PDE8A: variants seen among roughly 807,000 people sequenced by gnomAD.
PDE8A encodes the protein high affinity cAMP-specific and IBMX-insensitive 3',5'-cyclic phosphodiesterase 8A.
PDE8A carries 59 observed loss-of-function variants against 105.0 expected under a neutral mutation model. The ratio of observed to expected loss-of-function variants is 0.56; its 90% confidence interval spans 0.46 to 0.70. The LOEUF is 0.70. Ranked by LOEUF, PDE8A falls within the 30% of genes least tolerant of loss-of-function variation. The pLI, the probability that PDE8A is intolerant of heterozygous loss-of-function variation, is 0.00. For synonymous variants in PDE8A, 355 were observed against 371.9 expected (o/e 0.95, Z 0.52); for missense variants, 1,014 against 1,045.9 (o/e 0.97, Z 0.42).
intron 15 of PDE8A, 112 bp downstream of exon 15, chr15:85,115,599 G>C (rs938230996): frequency 9.9e-6 from 6 of 603,342 alleles, no homozygotes; most frequent in African/African-American, 9.7e-5. Flanking sequence ...ATGTCATAAA[G>C]CCTCAGAAAC....
rs961781012 is a variant in PDE8A at position 85,053,694 on chromosome 15, T to G, written c.187-10676T>G. On this transcript the variant is annotated intron_variant, in intron 1 of 21. Transcript: ENST00000394553. ...TATCCTGAGACTTTGCTGAAGTTGC[T>G]TATCAGCTTAAGGAGATTTTGGGCT... 3.2e-4 allele frequency among the ~76,000 whole-genome samples: 49 copies of G among 152,266 alleles called. 1 individual carries two copies. Among genetic ancestry groups the G allele is most frequent in the Admixed American group, 3.1e-3 (48 of 15,288 alleles).
chr15:85,040,370 TAAAAAAA>T (rs35955528), intron 1 of PDE8A, among the ~76,000 whole-genome samples: 1 of 103,724 alleles, frequency 9.6e-6, no homozygotes, highest in African/African-American at 3.5e-5. Flanking sequence ...ACCTCTTCTC[TAAAAAAA>T]AAAAAAAAAA....
chr15:84,987,785 G>C (rs191133019), intron 1 of PDE8A, among the ~76,000 whole-genome samples: 193 of 152,110 alleles, frequency 1.3e-3, no homozygotes, highest in African/African-American at 4.4e-3. Flanking sequence ...CCTTGGATTG[G>C]TTCTTAAATA....
chr15:84,990,677 G>A (rs1162331513), intron 1 of PDE8A, among the ~76,000 whole-genome samples: 2 of 152,176 alleles, frequency 1.3e-5, no homozygotes, highest in African/African-American at 4.8e-5. Flanking sequence ...TATGACTAAA[G>A]CTACTATGAA....
intron 1 of PDE8A, among the ~76,000 whole-genome samples, chr15:84,998,079 A>G (rs1473729623): frequency 2.6e-5 from 4 of 152,272 alleles, no homozygotes; most frequent in African/African-American, 9.6e-5. Flanking sequence ...TTGGCTTTAG[A>G]TAAGTTACAT....
chr15:85,126,281 G>T lies in PDE8A; in HGVS notation c.2160G>T (p.Met720Ile), dbSNP rs1272710819. 6.2e-7 allele frequency: 1 copy of T among 1,612,836 alleles called. No homozygotes were observed. Among genetic ancestry groups the T allele is most frequent in the East Asian group, 2.2e-5 (1 of 44,850 alleles). The stretch of plus-strand genomic sequence containing the variant: ...AGAACCGGACCCTAATCAAACGAAT[G>T]CTGATTAAATGTGCTGATGTGTCCA... ...TPENRTLIKR[M>I]LIKCADVSNP... Residue 720 changes from methionine to isoleucine, a missense_variant, in exon 20 of 22, where the codon ATG (methionine) becomes ATT (isoleucine). Coordinates refer to ENST00000394553, the MANE Select transcript of PDE8A (RefSeq NM_002605.3).
At chr15:85,009,759 C>G (rs921867046) in intron 1 of PDE8A, among the ~76,000 whole-genome samples, 5 of 152,206 alleles carry the variant, frequency 3.3e-5, no homozygotes, top group Admixed American at 6.5e-5. Flanking sequence ...TGCATGTTCT[C>G]TCACCACCAG....
intron 12 of PDE8A, among the ~76,000 whole-genome samples, chr15:85,111,373 C>A (rs566358569): frequency 6.6e-6 from 1 of 152,204 alleles, no homozygotes; most frequent in South Asian, 2.1e-4. Flanking sequence ...GGTCTTTGAT[C>A]CATTTAAAAT....
chr15:84,985,230 T>A (rs1441735990), intron 1 of PDE8A, among the ~76,000 whole-genome samples: 1 of 152,204 alleles, frequency 6.6e-6, no homozygotes, highest in African/African-American at 2.4e-5. Flanking sequence ...ACTCAACGAA[T>A]GTAATTTGCT....
Position 85,136,531 on chromosome 15 carries a change from C to T in PDE8A, c.2254-3C>T. On this transcript the variant is annotated splice_region_variant and splice_polypyrimidine_tract_variant and intron_variant, in intron 20 of 21. Transcript: ENST00000394553. ...TCTCCTGATCACATTTTCTGCTTTA[C>T]AGACTGATGAAGAGAAGCAGCAGGG... 3 of 1,612,252 alleles carry T rather than the reference C, an allele frequency of 1.9e-6. No individual in the cohort carries two copies. Among genetic ancestry groups the T allele is most frequent in the Middle Eastern group, 1.7e-4 (1 of 5,930 alleles).
At chr15:85,114,390 G>C (rs1191556722) in intron 14 of PDE8A, among the ~76,000 whole-genome samples, 1 of 152,204 alleles carries the variant, frequency 6.6e-6, no homozygotes, top group Non-Finnish European at 1.5e-5. Flanking sequence ...AGAACAGAAA[G>C]ATTGTCTTTC....
intron 3 of PDE8A, among the ~76,000 whole-genome samples, chr15:85,069,510 C>A (rs569976716): frequency 6.6e-6 from 1 of 152,314 alleles, no homozygotes; most frequent in African/African-American, 2.4e-5. Context: ...AGACATCTTT[C>A]CTTTTCTGAA....
intron 1 of PDE8A, among the ~76,000 whole-genome samples, chr15:85,049,804 T>TA (rs1179696647): frequency 6.6e-6 from 1 of 152,274 alleles, no homozygotes; most frequent in Admixed American, 6.5e-5. Context: ...TGCATACAGA[T>TA]ATCTGTCTGA....
chr15:85,036,542 A>G (rs1194114855), intron 1 of PDE8A, among the ~76,000 whole-genome samples: 1 of 152,088 alleles, frequency 6.6e-6, no homozygotes, highest in African/African-American at 2.4e-5. Context: ...GCCCACATAC[A>G]CTTTGGCTAT....
At chr15:85,123,743 T>G (rs1011338729) in intron 19 of PDE8A, among the ~76,000 whole-genome samples, 1 of 152,226 alleles carries the variant, frequency 6.6e-6, no homozygotes, top group Admixed American at 6.5e-5. Context: ...TCCAATCAAG[T>G]TGACACTCAG....
At chr15:85,066,289 AG>A (rs1163741792) in intron 2 of PDE8A, among the ~76,000 whole-genome samples, 1 of 152,098 alleles carries the variant, frequency 6.6e-6, no homozygotes, top group Non-Finnish European at 1.5e-5. Context: ...GGCCAGGTGC[AG>A]TGGCTCACAC....
Position 85,109,142 on chromosome 15 carries a change from A to C in PDE8A, c.1114+12A>C. 1.9e-6 allele frequency: 3 copies of C among 1,587,238 alleles called. No individual in the cohort carries two copies. Among genetic ancestry groups the C allele is most frequent in the Non-Finnish European group, 2.6e-6 (3 of 1,156,274 alleles). Reference sequence around the variant, plus strand: ...CCGTGCAACTGAAGGTGAGTGACAAAGACAAGAGAAAAAAATGTGATCAAA... The same window carrying C: ...CCGTGCAACTGAAGGTGAGTGACAACGACAAGAGAAAAAAATGTGATCAAA... On this transcript the variant is annotated intron_variant, in intron 12 of 21. Coordinates refer to ENST00000394553, the MANE Select transcript of PDE8A (RefSeq NM_002605.3).
At chr15:85,137,605 G>C (rs1411003102) in intron 21 of PDE8A, among the ~76,000 whole-genome samples, 192 bp from the exon 22 acceptor site, 1 of 152,196 alleles carries the variant, frequency 6.6e-6, no homozygotes, top group Non-Finnish European at 1.5e-5. Flanking sequence ...CAGAGGAGGT[G>C]CTGGCATTGA....
At chr15:85,080,893 C>G (rs1292505675) in intron 5 of PDE8A, among the ~76,000 whole-genome samples, 1 of 152,174 alleles carries the variant, frequency 6.6e-6, no homozygotes, top group Non-Finnish European at 1.5e-5. Context: ...GCCCAAAAAG[C>G]TTTACAGTAG....
Sources: allele counts gnomAD v4.1 joint callset (sites outside exome capture counted in the v4.1 genomes callset), GRCh38; gene constraint gnomAD v4.1.1; transcripts MANE v1.5; gene names NCBI Gene and HGNC (gene_info 2026-07-23, HGNC 2026-07-21).